Variants in TOX2 observed in about 807,000 individuals in gnomAD.
TOX2 encodes TOX high mobility group box family member 2.
In TOX2, 15 loss-of-function variants were observed where a neutral mutation model predicts 47.4. That is an observed-to-expected ratio of 0.32 (90% CI 0.21 to 0.49). TOX2 has a LOEUF of 0.49. TOX2 is among the 20% of genes least tolerant of loss of function. The pLI, the probability that TOX2 is intolerant of heterozygous loss-of-function variation, is 0.99. For synonymous variants in TOX2, 290 were observed against 296.6 expected, an observed-to-expected ratio of 0.98 and a Z score of 0.23; for missense variants, 622 against 673.1, an observed-to-expected ratio of 0.92 and a Z score of 0.84.
intron 1 of TOX2, among the ~76,000 whole-genome samples, chr20:43,940,257 C>T (rs982426196): frequency 6.6e-6 from 1 of 152,006 alleles, no homozygotes. Flanking sequence ...ACTCTGTCAC[C>T]CAGACTGAAG....
intron 3 of TOX2, among the ~76,000 whole-genome samples, chr20:44,018,216 G>T (rs1204804727): frequency 6.6e-6 from 1 of 152,142 alleles, no homozygotes; most frequent in African/African-American, 2.4e-5. Flanking sequence ...AAAACAATTT[G>T]TGATGTTTTA....
chr20:43,938,745 G>A (rs2069362561), intron 1 of TOX2, among the ~76,000 whole-genome samples: 2 of 152,208 alleles, frequency 1.3e-5, no homozygotes, highest in African/African-American at 4.8e-5. Context: ...GGCTTTAGCT[G>A]AACTGGAGGC....
intron 3 of TOX2, among the ~76,000 whole-genome samples, chr20:44,036,302 T>C (rs1458505247): frequency 6.6e-6 from 1 of 152,214 alleles, no homozygotes; most frequent in Non-Finnish European, 1.5e-5. Context: ...AGGTGTTCAC[T>C]GAGGCTGTGC....
intron 6 of TOX2, 56 bp from the exon 7 acceptor site, chr20:44,065,656 A>G: frequency 2.0e-6 from 3 of 1,527,278 alleles, no homozygotes; most frequent in Non-Finnish European, 2.6e-6. Context: ...CTCACAGCCC[A>G]TGTTCTGGCT....
intron 2 of TOX2, among the ~76,000 whole-genome samples, chr20:43,991,702 G>T (rs1305803939): frequency 6.6e-6 from 1 of 151,276 alleles, no homozygotes; most frequent in Non-Finnish European, 1.5e-5. Flanking sequence ...GGAGTGCAGT[G>T]GTACAATCTC....
At chr20:43,930,224 G>GT (rs1569006356) in intron 1 of TOX2, among the ~76,000 whole-genome samples, 1 of 152,140 alleles carries the variant, frequency 6.6e-6, no homozygotes, top group Non-Finnish European at 1.5e-5. Flanking sequence ...GATGACCACC[G>GT]TAACATAGCC....
intron 3 of TOX2, among the ~76,000 whole-genome samples, chr20:44,012,246 C>T (rs1010108012): frequency 3.3e-5 from 5 of 152,178 alleles, no homozygotes; most frequent in South Asian, 2.1e-4. Flanking sequence ...ATTTTGGAGT[C>T]GTCCTTGGGA....
intron 3 of TOX2, among the ~76,000 whole-genome samples, chr20:44,010,559 A>G (rs2070761762): frequency 2.0e-5 from 3 of 152,146 alleles, no homozygotes; most frequent in Admixed American, 1.3e-4. Context: ...GAGACAAGGG[A>G]CTCTTCAAGA....
intron 5 of TOX2, among the ~76,000 whole-genome samples, chr20:44,061,751 T>G (rs1208651154): frequency 6.6e-6 from 1 of 152,156 alleles, no homozygotes; most frequent in African/African-American, 2.4e-5. Context: ...ACTAGCTAAC[T>G]GAATCCAATG....
chr20:43,921,057 A>G (rs1284409515), intron 1 of TOX2, among the ~76,000 whole-genome samples: 1 of 152,206 alleles, frequency 6.6e-6, no homozygotes, highest in Non-Finnish European at 1.5e-5. Context: ...GGCTGTTGTC[A>G]TCTGAAGACT....
rs1302915536 is a variant in TOX2, at chr20:43,914,949, C to T, written c.58C>T (p.Pro20Ser). 7 of 1,251,094 alleles carry T rather than the reference C, an allele frequency of 5.6e-6. No homozygotes were observed. Among genetic ancestry groups the T allele is most frequent in the Non-Finnish European group, 7.0e-6 (7 of 996,428 alleles). The allele number at this position is 1,251,094 out of a possible 1,614,324, so 77.5% of individuals were successfully genotyped here. The change falls in exon 1 of 9, where the codon CCG becomes TCG. Residue 20 changes from proline (P) to serine (S), a missense_variant. Coordinates refer to ENST00000341197, the MANE Select transcript of TOX2 (RefSeq NM_001098797.2). This position sits in a 1 kb window ranked among gnomAD's most constrained non-coding sequence, Gnocchi z 4.5. Reference protein sequence around the residue: ...PAVGARPGAEPAGLAHLDYYH... With the variant: ...PAVGARPGAESAGLAHLDYYH... ...GGTGGGCGCGCGGCCCGGGGCCGAG[C>T]CGGCCGGCCTGGCGCACCTGGACTA...
At chr20:43,969,210 G>A (rs998442717) in intron 1 of TOX2, among the ~76,000 whole-genome samples, 2 of 152,380 alleles carry the variant, frequency 1.3e-5, no homozygotes, top group South Asian at 4.1e-4. Context: ...TGATACATGA[G>A]TGAGCTGAAC....
intron 3 of TOX2, 64 bp from the exon 4 acceptor site, chr20:44,051,242 A>C: frequency 6.5e-7 from 1 of 1,539,578 alleles, no homozygotes; most frequent in Non-Finnish European, 8.8e-7. Flanking sequence ...GTCCGCTAGC[A>C]CAGATGTGAT....
chr20:44,065,018 C>T (rs2071787602), intron 6 of TOX2, among the ~76,000 whole-genome samples, 161 bp downstream of exon 6: 4 of 152,226 alleles, frequency 2.6e-5, no homozygotes, highest in Admixed American at 2.6e-4. Context: ...GCATGCCAGG[C>T]TCATTCTGGG....
intron 2 of TOX2, among the ~76,000 whole-genome samples, chr20:43,982,091 G>A (rs1366816155): frequency 1.3e-5 from 2 of 152,160 alleles, no homozygotes; most frequent in African/African-American, 4.8e-5. Flanking sequence ...CTGCTCAGAG[G>A]TGGTGGCTCT....
Position 44,041,860 on chromosome 20 carries a change from A to T in TOX2, c.412-9446A>T, listed in dbSNP as rs6031315. Among the ~76,000 whole-genome samples, 552 of 152,368 alleles carry T rather than the reference A, an allele frequency of 3.6e-3. 5 individuals are homozygous for T. The highest frequency in any genetic ancestry group is 0.012 in the African/African-American group (518 of 41,586). ...TAAAGAAAAGTCACTGGACAATTGT[A>T]CAAAATCCGTAGTTCTAAAGAGCAC... On this transcript the variant is annotated intron_variant, in intron 3 of 8. Transcript: ENST00000341197.
chr20:43,963,109 C>T (rs528952462), intron 1 of TOX2, among the ~76,000 whole-genome samples: 3 of 152,096 alleles, frequency 2.0e-5, no homozygotes, highest in South Asian at 2.1e-4. Flanking sequence ...GTGTGGTAAG[C>T]GGCCACCATT....
At chr20:44,043,368 T>G (rs1024837978) in intron 3 of TOX2, among the ~76,000 whole-genome samples, 2 of 152,216 alleles carry the variant, frequency 1.3e-5, no homozygotes, top group African/African-American at 2.4e-5. Context: ...TTAAGGTCCC[T>G]TTGTACCTCT....
At chr20:44,014,882 G>C (rs1346118871) in intron 3 of TOX2, among the ~76,000 whole-genome samples, 3 of 152,154 alleles carry the variant, frequency 2.0e-5, no homozygotes, top group Non-Finnish European at 2.9e-5. Context: ...GGGACAGGCA[G>C]GGGAAGGCAT....
Sources: gnomAD v4.1 joint callset for allele counts (sites outside exome capture counted in the v4.1 genomes callset) on GRCh38, gnomAD v4.1.1 for gene constraint, Gnocchi (gnomAD v3.1) non-coding constraint, MANE v1.5 for transcripts, NCBI Gene and HGNC (gene_info 2026-07-23, HGNC 2026-07-21) for gene names.